PDZD2: variants seen among roughly 807,000 people sequenced by gnomAD.
The protein encoded by PDZD2 is PDZ domain containing 2, also known as PDZ domain-containing protein 2.
In PDZD2, 90 loss-of-function variants were observed where a neutral mutation model predicts 220.7. The observed-to-expected ratio is 0.41, with a 90% CI of 0.34 to 0.49. The LOEUF is 0.49. Ranked by LOEUF, PDZD2 falls within the 20% of genes least tolerant of loss-of-function variation. The pLI is 0.28. For synonymous variants in PDZD2, 1,375 were observed against 1,450.5 expected (o/e 0.95, Z 1.18); for missense variants, 3,174 against 3,608.5 (o/e 0.88, Z 3.08).
At position 32,061,058 on chromosome 5, in the gene PDZD2, G is replaced by A; in HGVS notation, c.2375G>A (p.Ser792Asn). The A allele has an allele frequency of 1.2e-6, 2 of 1,614,194 alleles. No homozygotes were observed. The highest frequency in any genetic ancestry group is 1.7e-6 in the Non-Finnish European group (2 of 1,180,012). Residue 792 changes from serine to asparagine, a missense_variant, in exon 14 of 25, where the codon AGC becomes AAC. Around this residue, in one of 4 missense-constraint regions of PDZD2, gnomAD observed 1,861 missense variants for 2,001.0 expected, o/e 0.93. Transcript: ENST00000438447. ...GTCAACGTCCGCCATGCTGCTTTAA[G>A]CAAAGTCCACGCCATCTTGAGTAAA... ...NSVNVRHAAL[S>N]KVHAILSKCP...
At chr5:31,944,737 G>A (rs889246946) in intron 2 of PDZD2, among the ~76,000 whole-genome samples, 8 of 152,212 alleles carry the variant, frequency 5.3e-5, no homozygotes, top group African/African-American at 1.4e-4. Context: ...GTGGCAGCGT[G>A]TGCACGTGTG....
intron 2 of PDZD2, among the ~76,000 whole-genome samples, chr5:31,893,165 T>A (rs1030429486): frequency 6.6e-6 from 1 of 152,220 alleles, no homozygotes; most frequent in Non-Finnish European, 1.5e-5. Flanking sequence ...GTTGTTTGTG[T>A]AGGCCTTGGC....
At chr5:31,812,462 C>T (rs544268563) in intron 2 of PDZD2, among the ~76,000 whole-genome samples, 1 of 149,664 alleles carries the variant, frequency 6.7e-6, no homozygotes, top group Admixed American at 6.7e-5. Flanking sequence ...ATACAACCCT[C>T]TTTTTTTTTT....
At chr5:31,723,946 A>G (rs1299274043) in intron 1 of PDZD2, among the ~76,000 whole-genome samples, 2 of 152,134 alleles carry the variant, frequency 1.3e-5, no homozygotes, top group Non-Finnish European at 1.5e-5. Flanking sequence ...GAATAAACTG[A>G]GGTGTGAAAG....
intron 1 of PDZD2, among the ~76,000 whole-genome samples, chr5:31,747,046 A>G (rs914052761): frequency 1.3e-5 from 2 of 152,214 alleles, no homozygotes; most frequent in Admixed American, 6.5e-5. Context: ...GTGGTGGCGG[A>G]TGCCTGTAAT....
intron 2 of PDZD2, among the ~76,000 whole-genome samples, chr5:31,927,281 GA>G (rs1195263396): frequency 6.6e-6 from 1 of 152,138 alleles, no homozygotes; most frequent in African/African-American, 2.4e-5. Context: ...TCATGGGAGA[GA>G]AAAAAAGTGA....
Position 31,725,535 on chromosome 5 carries a change from G to A in PDZD2, c.-360-73354G>A, listed in dbSNP as rs1580629805. 4 of 1,371,606 alleles carry A rather than the reference G, an allele frequency of 2.9e-6. No individual in the cohort carries two copies. In the East Asian group the frequency reaches 9.4e-5, roughly 32 times the overall value. 85.0% of individuals were successfully genotyped at this position (1,371,606 alleles called of 1,614,324 possible). On this transcript the variant is annotated intron_variant, in intron 1 of 24. Coordinates refer to ENST00000438447, the MANE Select transcript of PDZD2 (RefSeq NM_178140.4). ...ATGATCATGGTTTATACTACCAGGG[G>A]CCACTGGACTTAGGACTAGTCCAAG... is the stretch of plus-strand genomic sequence containing the variant.
intron 1 of PDZD2, among the ~76,000 whole-genome samples, chr5:31,769,641 A>C (rs140878644): frequency 6.6e-6 from 1 of 152,186 alleles, no homozygotes; most frequent in East Asian, 1.9e-4. Context: ...TTGTGTTCTG[A>C]GTCACTGAAG....
Position 32,085,236 on chromosome 5 carries a change from T to G in PDZD2, c.3683-1895T>G, listed in dbSNP as rs112311307. On this transcript the variant is annotated intron_variant, in intron 19 of 24. Coordinates refer to ENST00000438447, the MANE Select transcript of PDZD2 (RefSeq NM_178140.4). Reference sequence around the variant, plus strand: ...CAAAGTGCTGGGATTACAGGCGTGATCCACCGTGCCCAGCTGCCTTTTTTT... The same window carrying G: ...CAAAGTGCTGGGATTACAGGCGTGAGCCACCGTGCCCAGCTGCCTTTTTTT... 3.5e-3 allele frequency among the ~76,000 whole-genome samples: 491 copies of G among 138,782 alleles called. 2 individuals carry two copies. The highest frequency in any genetic ancestry group is 0.015 in the African/African-American group (467 of 32,084). The allele number at this position is 138,782 out of a possible 152,430, so 91.0% of individuals were successfully genotyped here. A position where few individuals can be genotyped will look rare whatever the true frequency, so the allele number is the denominator to read the frequency against.
intron 1 of PDZD2, among the ~76,000 whole-genome samples, chr5:31,722,101 C>T (rs568568886): frequency 4.9e-4 from 74 of 152,308 alleles, no homozygotes; most frequent in Middle Eastern, 3.4e-3. Context: ...TCCCTCCAGC[C>T]TAGACAACCT....
chr5:31,889,499 C>T (rs932711643), intron 2 of PDZD2, among the ~76,000 whole-genome samples: 1 of 152,210 alleles, frequency 6.6e-6, no homozygotes, highest in Non-Finnish European at 1.5e-5. Context: ...AGACCTCACA[C>T]TCCTGTTGAG....
At chr5:31,890,963 G>A (rs1485537743) in intron 2 of PDZD2, among the ~76,000 whole-genome samples, 1 of 152,142 alleles carries the variant, frequency 6.6e-6, no homozygotes, top group Non-Finnish European at 1.5e-5. Flanking sequence ...TAATTCCGAT[G>A]CTGTCAGTGC....
At chr5:31,827,903 T>C (rs1756327712) in intron 2 of PDZD2, among the ~76,000 whole-genome samples, 1 of 152,122 alleles carries the variant, frequency 6.6e-6, no homozygotes, top group Non-Finnish European at 1.5e-5. Context: ...ACTCCGCTTC[T>C]CCAAGCCCCT....
At position 31,796,050 on chromosome 5, in the gene PDZD2, C is replaced by G. The variant is rs1019516987; in HGVS notation, c.-360-2839C>G. On this transcript the variant is annotated intron_variant, in intron 1 of 24. Coordinates refer to ENST00000438447, the MANE Select transcript of PDZD2 (RefSeq NM_178140.4). ...CAGTGGCCCTGTTGCTATCCTGTGG[C>G]CCCACCCTCTTGGCCAACAGTGATT... Among the ~76,000 whole-genome samples, 7 of 152,160 alleles carry G rather than the reference C, an allele frequency of 4.6e-5. No homozygotes were observed. The East Asian group carries it at 1.3e-3, about 29-fold the overall frequency.
At chr5:31,786,107 C>A (rs1019423392) in intron 1 of PDZD2, among the ~76,000 whole-genome samples, 4 of 152,204 alleles carry the variant, frequency 2.6e-5, no homozygotes, top group African/African-American at 7.2e-5. Flanking sequence ...TTGTCTGAGG[C>A]CTTTCCCACA....
At chr5:31,791,736 A>G (rs973004337) in intron 1 of PDZD2, among the ~76,000 whole-genome samples, 23 of 152,130 alleles carry the variant, frequency 1.5e-4, no homozygotes, top group Non-Finnish European at 2.6e-4. Flanking sequence ...ATTTGACCAG[A>G]TACTTCACAT....
At chr5:31,700,509 CCT>C (rs1747565442) in intron 1 of PDZD2, among the ~76,000 whole-genome samples, 2 of 152,166 alleles carry the variant, frequency 1.3e-5, no homozygotes, top group African/African-American at 4.8e-5. Context: ...TTAGGTGGCC[CCT>C]GTCTCATCCT....
chr5:31,802,159 C>A (rs868286193), intron 2 of PDZD2, among the ~76,000 whole-genome samples: 5 of 152,022 alleles, frequency 3.3e-5, no homozygotes, highest in Admixed American at 6.5e-5. Flanking sequence ...AGGTTCTCTC[C>A]AAGGTCTTCT....
chr5:32,039,675 C>G (rs549676820), intron 7 of PDZD2, among the ~76,000 whole-genome samples: 1 of 150,950 alleles, frequency 6.6e-6, no homozygotes, highest in African/African-American at 2.4e-5. Flanking sequence ...TGCCTGGCCG[C>G]CCATCGTCTG....
Sources: gnomAD v4.1 joint callset for allele counts (sites outside exome capture counted in the v4.1 genomes callset) on GRCh38, gnomAD v4.1.1 for gene constraint, gnomAD v4.1.1 regional missense constraint, MANE v1.5 for transcripts, NCBI Gene and HGNC (gene_info 2026-07-23, HGNC 2026-07-21) for gene names.